Variants in PLD5 observed in about 807,000 individuals in gnomAD.
PLD5 encodes phospholipase D family member 5.
PLD5 carries 36 observed loss-of-function variants against 61.1 expected under a neutral mutation model. The observed-to-expected ratio is 0.59, with a 90% CI of 0.45 to 0.78. PLD5 has a LOEUF of 0.78. Among genes scored for constraint, PLD5 ranks in the 30% least tolerant of loss-of-function variants. PLD5 has a pLI of 0.00. For missense variants in PLD5, 515 were observed against 644.4 expected (o/e 0.80, Z 2.17); for synonymous variants, 243 against 242.8 (o/e 1.00, Z -0.01).
At chr1:242,095,862 A>T in intron 9 of PLD5, among the ~76,000 whole-genome samples, 1 of 152,250 alleles carries the variant, frequency 6.6e-6, no homozygotes, top group African/African-American at 2.4e-5. Context: ...CTGATTTCAT[A>T]TTACTCTCCA....
chr1:242,162,088 T>A (rs914427088), intron 5 of PLD5, among the ~76,000 whole-genome samples: 10 of 151,970 alleles, frequency 6.6e-5, no homozygotes, highest in Non-Finnish European at 1.0e-4. Context: ...ATGAATTGAG[T>A]CAAGAAGTTG....
intron 4 of PLD5, among the ~76,000 whole-genome samples, chr1:242,244,549 C>T (rs577186943): frequency 6.6e-6 from 1 of 152,318 alleles, no homozygotes; most frequent in South Asian, 2.1e-4. Flanking sequence ...ACAAATACGT[C>T]TCCTGCAGAG....
At chr1:242,267,010 T>C (rs1202487980) in intron 3 of PLD5, among the ~76,000 whole-genome samples, 2 of 151,542 alleles carry the variant, frequency 1.3e-5, no homozygotes, top group Admixed American at 6.6e-5. Flanking sequence ...CCAGCTACCC[T>C]GGAGGCTGAG....
intron 2 of PLD5, among the ~76,000 whole-genome samples, chr1:242,344,371 G>A (rs1342437233): frequency 6.6e-6 from 1 of 152,066 alleles, no homozygotes; most frequent in African/African-American, 2.4e-5. Flanking sequence ...CACAGTTGAT[G>A]GTGGGTGACT....
In PLD5 at chr1:242,272,411, A is replaced by C. The variant is rs1170159651; in HGVS notation, c.496-6963T>G. Among the ~76,000 whole-genome samples, 3 of 152,192 alleles carry C rather than the reference A, an allele frequency of 2.0e-5. 1 individual carries two copies. The highest frequency in any genetic ancestry group is 4.4e-5 in the Non-Finnish European group (3 of 68,030). On this transcript the variant is annotated intron_variant, in intron 3 of 9. Transcript: ENST00000536534. ...TAAACTTGATTATATGTATACTTTTATATACTTCTCACTCTATATATCAAA... is the reference window on the plus strand; with the variant it reads ...TAAACTTGATTATATGTATACTTTTCTATACTTCTCACTCTATATATCAAA...
chr1:242,437,201 A>T (rs1280482424), intron 1 of PLD5, among the ~76,000 whole-genome samples: 1 of 152,194 alleles, frequency 6.6e-6, no homozygotes, highest in African/African-American at 2.4e-5. Flanking sequence ...GATACCAGTG[A>T]TGGCACAAAT....
chr1:242,206,266 G>A (rs973933913), intron 5 of PLD5, among the ~76,000 whole-genome samples: 3 of 152,154 alleles, frequency 2.0e-5, no homozygotes, highest in Admixed American at 6.5e-5. Context: ...CACCAGAGGC[G>A]GAAAGTGCTG....
At chr1:242,455,845 A>G (rs1666927432) in intron 1 of PLD5, among the ~76,000 whole-genome samples, 1 of 152,196 alleles carries the variant, frequency 6.6e-6, no homozygotes, top group South Asian at 2.1e-4. Context: ...TGGTCCTTGA[A>G]CCGCAGTTAT....
chr1:242,394,661 TATATATGTGTATATATGTGAAC>T (rs1282058132), intron 1 of PLD5, among the ~76,000 whole-genome samples: 47 of 39,768 alleles, frequency 1.2e-3, no homozygotes, highest in African/African-American at 3.8e-3. Context: ...TATGTGAACA[TATATATGTGTATATATGTGAAC>T]ATATATGTGT....
intron 4 of PLD5, among the ~76,000 whole-genome samples, chr1:242,221,509 A>G (rs373559019): frequency 2.2e-4 from 34 of 152,194 alleles, no homozygotes; most frequent in African/African-American, 7.2e-4. Flanking sequence ...ACTCTTAGGA[A>G]AATGTAAACA....
intron 5 of PLD5, among the ~76,000 whole-genome samples, chr1:242,206,974 G>A (rs1669356423): frequency 6.6e-6 from 1 of 152,184 alleles, no homozygotes; most frequent in South Asian, 2.1e-4. Context: ...CAGGCAGGGT[G>A]GAAACTAAGG....
chr1:242,525,190 C>T (rs564642297), upstream of PLD5, among the ~76,000 whole-genome samples: 1 of 152,312 alleles, frequency 6.6e-6, no homozygotes, highest in Admixed American at 6.5e-5. Flanking sequence ...TTTTCTGGAG[C>T]CGTACACGCT....
At chr1:242,346,403 GT>G (rs981489911) in intron 2 of PLD5, among the ~76,000 whole-genome samples, 4 of 152,142 alleles carry the variant, frequency 2.6e-5, no homozygotes, top group Non-Finnish European at 5.9e-5. Flanking sequence ...AGGTGTTCGA[GT>G]TTGCATTTAA....
intron 5 of PLD5, among the ~76,000 whole-genome samples, chr1:242,215,801 C>T (rs929294522): frequency 1.3e-5 from 2 of 152,194 alleles, no homozygotes; most frequent in South Asian, 2.1e-4. Flanking sequence ...GAAGACTGAG[C>T]GAATCCTGCT....
rs73130725 is a variant in PLD5 at position 242,108,258 on chromosome 1, C to T, written c.1071-419G>A. Among the ~76,000 whole-genome samples, 405 of 149,716 alleles carry T rather than the reference C, an allele frequency of 2.7e-3. 4 individuals carry two copies. The highest frequency in any genetic ancestry group is 9.6e-3 in the African/African-American group (374 of 39,090). On this transcript the variant is annotated intron_variant, in intron 7 of 9. Transcript: ENST00000536534. ...AAAACCTCTCTTTGGTGATTGTCCCCGAAATGAACTTACGCTCTGGTCATC... is the reference window on the plus strand; with the variant it reads ...AAAACCTCTCTTTGGTGATTGTCCCTGAAATGAACTTACGCTCTGGTCATC...
chr1:242,377,984 A>AT (rs1218082744), intron 1 of PLD5, among the ~76,000 whole-genome samples: 1 of 152,208 alleles, frequency 6.6e-6, no homozygotes, highest in Non-Finnish European at 1.5e-5. Context: ...TTAAGATAAG[A>AT]TCACCTTATG....
intron 1 of PLD5, among the ~76,000 whole-genome samples, chr1:242,394,453 A>AGTATATATGTGTGTATATGT (rs1663264704): frequency 5.2e-5 from 3 of 57,224 alleles, no homozygotes; most frequent in Non-Finnish European, 6.8e-5. Flanking sequence ...TGTGTATATG[A>AGTATATATGTGTGTATATGT]GTATATATGT....
At chr1:242,326,223 C>T (rs1467836805) in intron 2 of PLD5, among the ~76,000 whole-genome samples, 1 of 152,082 alleles carries the variant, frequency 6.6e-6, no homozygotes, top group Admixed American at 6.5e-5. Context: ...TCATGCCCCA[C>T]TTTTTCAAAA....
intron 1 of PLD5, among the ~76,000 whole-genome samples, chr1:242,373,102 A>C (rs1337077084): frequency 6.6e-6 from 1 of 152,214 alleles, no homozygotes; most frequent in Non-Finnish European, 1.5e-5. Context: ...TACAAGAAAA[A>C]AACAACAACC....
Sources: allele counts gnomAD v4.1 joint callset (sites outside exome capture counted in the v4.1 genomes callset), GRCh38; gene constraint gnomAD v4.1.1; transcripts MANE v1.5; gene names NCBI Gene and HGNC (gene_info 2026-07-23, HGNC 2026-07-21).